The following HSPA4L variants were observed in gnomAD, a reference collection of about 807,000 sequenced individuals.
HSPA4L encodes the protein heat shock protein family A (Hsp70) member 4 like, also known as heat shock 70 kDa protein 4L.
In HSPA4L, 48 loss-of-function variants were observed where a neutral mutation model predicts 100.3. The observed-to-expected ratio is 0.48, with a 90% CI of 0.38 to 0.61. The LOEUF (loss-of-function observed/expected upper bound fraction) is 0.61. Ranked by LOEUF, HSPA4L falls within the 20% of genes least tolerant of loss-of-function variation. The pLI is 0.00. For synonymous variants in HSPA4L, 319 were observed against 328.2 expected (o/e 0.97, Z 0.30); for missense variants, 886 against 988.6 (o/e 0.90, Z 1.39).
rs749952346 is a variant in HSPA4L at position 127,832,715 on chromosome 4, C to G, written c.2361C>G (p.Tyr787Ter). Residue 787 changes from tyrosine (Y) to a stop codon, truncating the protein, a stop_gained, in exon 19 of 19, where the codon TAC (tyrosine) becomes TAG (stop). Transcript: ENST00000296464. LOFTEE classifies it high-confidence loss of function. ...ATAATTTCTGTAACCCCATCATTTACAAGCCCAAACCAAAAGCAGAAGTTC... is the reference window on the plus strand; with the variant it reads ...ATAATTTCTGTAACCCCATCATTTAGAAGCCCAAACCAAAAGCAGAAGTTC... ...ELDNFCNPII[Y>*]KPKPKAEVPE... 1.2e-6 allele frequency: 2 copies of G among 1,611,588 alleles called. No homozygotes were observed. Among genetic ancestry groups the G allele is most frequent in the African/African-American group, 2.7e-5 (2 of 74,864 alleles).
At chr4:127,801,385 T>C in intron 5 of HSPA4L, 148 bp downstream of exon 5, 1 of 612,632 alleles carries the variant, frequency 1.6e-6, no homozygotes. Flanking sequence ...GCTATGATCA[T>C]ACCACTGCAC....
chr4:127,823,905 A>C (rs1733879450), intron 16 of HSPA4L, among the ~76,000 whole-genome samples: 1 of 152,210 alleles, frequency 6.6e-6, no homozygotes, highest in Non-Finnish European at 1.5e-5. Context: ...GTATATTGTT[A>C]AGTATATATG....
At chr4:127,803,942 T>A in intron 7 of HSPA4L, 69 bp downstream of exon 7, 1 of 1,607,588 alleles carries the variant, frequency 6.2e-7, no homozygotes, top group Non-Finnish European at 8.5e-7. Context: ...GTCTGATTTG[T>A]TTGTTGTTTT....
At chr4:127,812,180 C>T (rs1376442443) in intron 12 of HSPA4L, among the ~76,000 whole-genome samples, 1 of 151,786 alleles carries the variant, frequency 6.6e-6, no homozygotes, top group Non-Finnish European at 1.5e-5. Flanking sequence ...GAGGCCGAGG[C>T]GGGTGGATCA....
intron 6 of HSPA4L, among the ~76,000 whole-genome samples, chr4:127,802,680 T>C (rs1455412648): frequency 6.6e-6 from 1 of 152,218 alleles, no homozygotes; most frequent in African/African-American, 2.4e-5. Context: ...CAGACCCGTT[T>C]GAAAATCTGA....
At chr4:127,830,219 T>C (rs916171426) in intron 17 of HSPA4L, among the ~76,000 whole-genome samples, 1 of 149,248 alleles carries the variant, frequency 6.7e-6, no homozygotes, top group Admixed American at 6.6e-5. Flanking sequence ...CTGCAGTTTC[T>C]CTTCTTCAGA....
chr4:127,790,155 T>A lies in HSPA4L; in HGVS notation c.108-3922T>A, dbSNP rs1193640299. Among the ~76,000 whole-genome samples the A allele has an allele frequency of 2.6e-5, 4 of 152,214 alleles. No individual in the cohort carries two copies. In the South Asian group the frequency reaches 8.3e-4, roughly 32 times the overall value. On this transcript the variant is annotated intron_variant, in intron 1 of 18. Coordinates refer to ENST00000296464, the MANE Select transcript of HSPA4L (RefSeq NM_014278.4). ...GAAACACATTTCAAGGAACCAGCGCTTAATGATAGTTGAATCTGAATCTTC... is the reference window on the plus strand; with the variant it reads ...GAAACACATTTCAAGGAACCAGCGCATAATGATAGTTGAATCTGAATCTTC...
intron 1 of HSPA4L, among the ~76,000 whole-genome samples, chr4:127,792,958 A>G (rs1309346993): frequency 6.6e-6 from 1 of 152,218 alleles, no homozygotes; most frequent in East Asian, 1.9e-4. Context: ...GGCATATTCT[A>G]GAAATAGCAA....
chr4:127,839,319 GC>G lies in HSPA4L; in HGVS notation c.*6446del, dbSNP rs1734307569. The G allele has an allele frequency of 3.3e-5, 5 of 152,328 alleles. No homozygotes were observed. In the South Asian group the frequency reaches 1.0e-3, roughly 32 times the overall value. The allele number at this position is 152,328 out of a possible 1,614,324, so 9.4% of individuals were successfully genotyped here. ...ATGTAATTAGAGGCCCCGTGCAGTG[GC>G]TCACGCCTGTAATCCCAGCACTTTG... On this transcript the variant is annotated 3_prime_UTR_variant, in exon 19 of 19. Transcript: ENST00000296464.
chr4:127,805,764 G>C lies in HSPA4L; in HGVS notation c.1215G>C (p.Arg405Ser). Residue 405 changes from arginine to serine, a missense_variant, in exon 10 of 19, where the codon AGG becomes AGC. Arg to Ser is a moderately radical substitution (Grantham distance 110). Coordinates refer to ENST00000296464, the MANE Select transcript of HSPA4L (RefSeq NM_014278.4). ...TDLVPYSITL[R>S]WKTSFEDGSG... ...TTGTTCCCTATTCAATCACATTAAG[G>C]TGGAAGACCTCTTTTGAAGATGGAA... 1 of 1,610,530 alleles carries C rather than the reference G, an allele frequency of 6.2e-7. No homozygotes were observed. The highest frequency in any genetic ancestry group is 1.7e-4 in the Middle Eastern group (1 of 6,044).
chr4:127,817,846 ATTTT>A (rs1733708145), intron 12 of HSPA4L, among the ~76,000 whole-genome samples: 1 of 151,720 alleles, frequency 6.6e-6, no homozygotes, highest in Non-Finnish European at 1.5e-5. Flanking sequence ...AATGTTCTCT[ATTTT>A]ATTTATTTTT....
intron 12 of HSPA4L, among the ~76,000 whole-genome samples, chr4:127,817,211 G>A (rs1841156): frequency 0.031 from 4,642 of 152,096 alleles, 306 homozygotes; most frequent in East Asian, 0.26. Flanking sequence ...GATTACAGGC[G>A]TGCACCACCA....
intron 17 of HSPA4L, among the ~76,000 whole-genome samples, chr4:127,827,974 A>T (rs922372037): frequency 1.3e-5 from 2 of 152,144 alleles, no homozygotes; most frequent in Non-Finnish European, 2.9e-5. Flanking sequence ...ATTTAGATAT[A>T]ACCGTAAAAT....
At chr4:127,817,128 C>T (rs560733584) in intron 12 of HSPA4L, among the ~76,000 whole-genome samples, 8 of 152,156 alleles carry the variant, frequency 5.3e-5, no homozygotes, top group African/African-American at 1.9e-4. Context: ...TGCAGTGGCA[C>T]GATCTCAGCT....
At chr4:127,805,005 T>TCC in intron 8 of HSPA4L, 68 bp from the exon 9 acceptor site, 1 of 1,000,800 alleles carries the variant, frequency 1.0e-6, no homozygotes, top group Non-Finnish European at 1.4e-6. Context: ...TTTAAAAAAG[T>TCC]ACTCGACAAA....
Position 127,834,246 on chromosome 4 carries a change from C to T in HSPA4L, c.*1372C>T, listed in dbSNP as rs981898211. ...GAGCCCTTATGTCCTTAATGCCAATCAACTAGATTGACCTAGGTTAAAATT... is the reference window on the plus strand; with the variant it reads ...GAGCCCTTATGTCCTTAATGCCAATTAACTAGATTGACCTAGGTTAAAATT... On this transcript the variant is annotated 3_prime_UTR_variant, in exon 19 of 19. Coordinates refer to ENST00000296464, the MANE Select transcript of HSPA4L (RefSeq NM_014278.4). 1.3e-5 allele frequency: 2 copies of T among 152,126 alleles called. No homozygotes were observed. Among genetic ancestry groups the T allele is most frequent in the Non-Finnish European group, 2.9e-5 (2 of 67,984 alleles). 9.4% of individuals were successfully genotyped at this position (152,126 alleles called of 1,614,324 possible).
rs549128825 is a variant in HSPA4L, at chr4:127,793,853, T to C, written c.108-224T>C. 1.8e-3 allele frequency among the ~76,000 whole-genome samples: 273 copies of C among 152,298 alleles called. 1 individual carries two copies. The highest frequency in any genetic ancestry group is 6.2e-3 in the African/African-American group (257 of 41,578). The stretch of plus-strand genomic sequence containing the variant: ...ACAATTTTGGAGATCAACATTGTAT[T>C]GCCAGCTATTAGGACTTTTTTAAAA... On this transcript the variant is annotated intron_variant, in intron 1 of 18. Transcript: ENST00000296464.
At chr4:127,801,643 C>T (rs1733186540) in intron 5 of HSPA4L, 142 bp from the exon 6 acceptor site, 10 of 610,610 alleles carry the variant, frequency 1.6e-5, no homozygotes, top group Admixed American at 1.5e-4. Flanking sequence ...CATTATTAAC[C>T]GAATTGTGAA....
rs1254058409 is a variant in HSPA4L at position 127,801,170 on chromosome 4, A to G, written c.462A>G (p.Arg154=). 3 of 1,613,372 alleles carry G rather than the reference A, an allele frequency of 1.9e-6. No individual in the cohort carries two copies. Among genetic ancestry groups the G allele is most frequent in the Non-Finnish European group, 1.7e-6 (2 of 1,179,694 alleles). The change falls in exon 5 of 19, where the codon AGA becomes AGG. Residue 154 remains arginine (R), a synonymous_variant. Transcript: ENST00000296464. ...GCTTTTTTACTGATGCCGAGAGAAGATCTGTGATGGCTGCAGCCCAGGTTG... is the reference window on the plus strand; with the variant it reads ...GCTTTTTTACTGATGCCGAGAGAAGGTCTGTGATGGCTGCAGCCCAGGTTG... ...IPSFFTDAER[R]SVMAAAQVAG... is the part of the protein sequence containing the mutation.
Sources: gnomAD v4.1 joint callset for allele counts (sites outside exome capture counted in the v4.1 genomes callset) on GRCh38, gnomAD v4.1.1 for gene constraint, MANE v1.5 for transcripts, NCBI Gene and HGNC (gene_info 2026-07-23, HGNC 2026-07-21) for gene names.